The following PSD3 variants were observed in gnomAD, a reference collection of about 807,000 sequenced individuals.
The protein encoded by PSD3 is pleckstrin and Sec7 domain containing 3, also known as PH and SEC7 domain-containing protein 3.
PSD3 carries 49 observed loss-of-function variants against 105.5 expected under a neutral mutation model. That is an observed-to-expected ratio of 0.46 (90% CI 0.37 to 0.59). The LOEUF is 0.59. Ranked by LOEUF, PSD3 falls within the 20% of genes least tolerant of loss-of-function variation. The pLI, the probability that PSD3 is intolerant of heterozygous loss-of-function variation, is 0.00. For synonymous variants in PSD3, 557 were observed against 457.8 expected, an observed-to-expected ratio of 1.22 and a Z score of -2.77; for missense variants, 1,561 against 1,263.8, an observed-to-expected ratio of 1.24 and a Z score of -3.57.
At chr8:18,546,531 T>C (rs1008253571) in intron 15 of PSD3, among the ~76,000 whole-genome samples, 1 of 152,168 alleles carries the variant, frequency 6.6e-6, no homozygotes, top group Non-Finnish European at 1.5e-5. Context: ...GTTTTGATGA[T>C]TTAATATGGA....
At chr8:19,063,056 T>C (rs918027228) in intron 1 of PSD3, among the ~76,000 whole-genome samples, 3 of 152,190 alleles carry the variant, frequency 2.0e-5, no homozygotes, top group Admixed American at 6.5e-5. Context: ...ATTTAATTAG[T>C]GTAGAAAGGT....
rs1335334915 is a variant in PSD3, at chr8:18,670,237, G to C, written c.2173-14552C>G. Among the ~76,000 whole-genome samples the C allele has an allele frequency of 1.3e-5, 2 of 152,188 alleles. 1 individual carries two copies. The highest frequency in any genetic ancestry group is 3.9e-4 in the East Asian group (2 of 5,172). ...GCTCCTGGGCACCACTGAACCGGGT[G>C]GGTCTGAGAAACCCAGCGGGGCTGG... is the stretch of plus-strand genomic sequence containing the variant. On this transcript the variant is annotated intron_variant, in intron 9 of 15. Transcript: ENST00000327040.
chr8:19,013,029 C>T (rs1368482510), intron 1 of PSD3, among the ~76,000 whole-genome samples: 1 of 152,064 alleles, frequency 6.6e-6, no homozygotes, highest in Non-Finnish European at 1.5e-5. Context: ...AAATTCAGAA[C>T]ATCATTCGCC....
intron 9 of PSD3, among the ~76,000 whole-genome samples, chr8:18,678,442 C>A (rs1044012142): frequency 6.6e-6 from 1 of 152,218 alleles, no homozygotes; most frequent in South Asian, 2.1e-4. Flanking sequence ...TTTCTCTCTG[C>A]CTATCATTCT....
intron 4 of PSD3, among the ~76,000 whole-genome samples, chr8:18,813,918 C>T (rs1018965982): frequency 2.6e-5 from 4 of 152,204 alleles, no homozygotes; most frequent in Non-Finnish European, 5.9e-5. Context: ...CCATCTTCGT[C>T]ACCAACACCA....
At chr8:19,028,538 AT>A (rs1460842058) in intron 1 of PSD3, among the ~76,000 whole-genome samples, 3 of 151,886 alleles carry the variant, frequency 2.0e-5, no homozygotes, top group Admixed American at 1.3e-4. Flanking sequence ...TTTAAGATGC[AT>A]TTTTTATACT....
chr8:18,881,886 T>C (rs1336431653), intron 2 of PSD3, among the ~76,000 whole-genome samples: 1 of 152,202 alleles, frequency 6.6e-6, no homozygotes, highest in Non-Finnish European at 1.5e-5. Flanking sequence ...CAATTATGAA[T>C]GTCCCAGAAC....
chr8:18,776,261 T>TATATATATATAATGTATAA lies in PSD3; in HGVS notation c.2083-10742_2083-10724dup, dbSNP rs200437764. Among the ~76,000 whole-genome samples the TATATATATATAATGTATAA allele has an allele frequency of 6.3e-5, 9 of 141,814 alleles. No homozygotes were observed. In the South Asian group the frequency reaches 1.7e-3, roughly 27 times the overall value. The allele number at this position is 141,814 out of a possible 152,430, so 93.0% of individuals were successfully genotyped here. ...GTTACCATGGCTCTCTCTCTCTCTCTATATATATATAATGTATAAATATAT... is the reference window on the plus strand; with the variant it reads ...GTTACCATGGCTCTCTCTCTCTCTCTATATATATATAATGTATAAATATATATATAATGTATAAATATAT... On this transcript the variant is annotated intron_variant, in intron 8 of 15. Coordinates refer to ENST00000327040, the MANE Select transcript of PSD3 (RefSeq NM_015310.4).
At chr8:18,847,801 T>C (rs17127305) in intron 4 of PSD3, among the ~76,000 whole-genome samples, 2,984 of 152,256 alleles carry the variant, frequency 0.02, 95 homozygotes, top group African/African-American at 0.067. Context: ...AAGGCTACCC[T>C]GGGATCAGAG....
intron 1 of PSD3, among the ~76,000 whole-genome samples, chr8:19,041,596 C>T (rs1394976947): frequency 1.3e-5 from 2 of 152,282 alleles, no homozygotes. Context: ...ACTGGAAATG[C>T]TACATCTCTT....
intron 1 of PSD3, among the ~76,000 whole-genome samples, chr8:19,028,851 C>T (rs1827660148): frequency 6.6e-6 from 1 of 152,128 alleles, no homozygotes. Flanking sequence ...ATGTGTTAAT[C>T]TTCACATGTG....
chr8:18,770,382 C>T (rs903377162), intron 8 of PSD3, among the ~76,000 whole-genome samples: 1 of 152,158 alleles, frequency 6.6e-6, no homozygotes, highest in African/African-American at 2.4e-5. Context: ...TTTCTTATCA[C>T]ATATGTACTT....
At chr8:18,649,190 G>A (rs1808285748) in intron 10 of PSD3, among the ~76,000 whole-genome samples, 2 of 152,284 alleles carry the variant, frequency 1.3e-5, no homozygotes, top group African/African-American at 2.4e-5. Context: ...CCCTGCACCT[G>A]GAAAAGCCAT....
intron 9 of PSD3, among the ~76,000 whole-genome samples, chr8:18,710,952 G>A (rs779951972): frequency 6.6e-6 from 1 of 151,954 alleles, no homozygotes; most frequent in African/African-American, 2.4e-5. Flanking sequence ...CAAAGTTCTG[G>A]GATTACAGGC....
intron 4 of PSD3, among the ~76,000 whole-genome samples, chr8:18,845,775 A>G (rs1563338730): frequency 2.0e-5 from 3 of 152,168 alleles, no homozygotes; most frequent in East Asian, 3.9e-4. Context: ...CACCTCTACA[A>G]AAAAAATTAA....
chr8:19,023,378 T>TA (rs1827425882), intron 1 of PSD3, among the ~76,000 whole-genome samples: 1 of 151,436 alleles, frequency 6.6e-6, no homozygotes, highest in African/African-American at 2.4e-5. Flanking sequence ...AGTTAGTGGC[T>TA]ACTGAATATA....
chr8:18,724,228 G>A (rs562661037), intron 9 of PSD3, among the ~76,000 whole-genome samples: 2 of 152,284 alleles, frequency 1.3e-5, no homozygotes, highest in South Asian at 4.2e-4. Flanking sequence ...GGCTATTACA[G>A]CGGTCTATAA....
Position 18,563,917 on chromosome 8 carries a change from G to A in PSD3, c.2785-7565C>T, listed in dbSNP as rs187370257. Among the ~76,000 whole-genome samples, 4 of 152,288 alleles carry A rather than the reference G, an allele frequency of 2.6e-5. No individual in the cohort carries two copies. The East Asian group carries it at 7.7e-4, about 29-fold the overall frequency. ...GTGGTTACAGAAATCATCTGGGTCAGATTATTCCAAAGTGGGGTGTGTGTA... is the reference window on the plus strand; with the variant it reads ...GTGGTTACAGAAATCATCTGGGTCAAATTATTCCAAAGTGGGGTGTGTGTA... On this transcript the variant is annotated intron_variant, in intron 14 of 15. Transcript: ENST00000327040.
intron 4 of PSD3, among the ~76,000 whole-genome samples, chr8:18,840,931 G>A (rs1030236872): frequency 2.6e-5 from 4 of 152,176 alleles, no homozygotes; most frequent in African/African-American, 9.7e-5. Flanking sequence ...TCATCTGGGT[G>A]TGTGTGTGTC....
Sources: allele counts gnomAD v4.1 joint callset (sites outside exome capture counted in the v4.1 genomes callset), GRCh38; gene constraint gnomAD v4.1.1; transcripts MANE v1.5; gene names NCBI Gene and HGNC (gene_info 2026-07-23, HGNC 2026-07-21).